The following SEPHS1 variants were observed in gnomAD, a reference collection of about 807,000 sequenced individuals.
SEPHS1 encodes zincore component SEPHS1.
Under a neutral mutation model 39.2 loss-of-function variants are expected in SEPHS1, and 7 were observed. The observed-to-expected ratio is 0.18, with a 90% CI of 0.10 to 0.34. The LOEUF (loss-of-function observed/expected upper bound fraction) is 0.34, where lower values mean the gene tolerates loss of function less well. SEPHS1 is among the 10% of genes least tolerant of loss of function. The pLI is 1.00. For missense variants in SEPHS1, 253 were observed against 514.5 expected (o/e 0.49, Z 4.92); for synonymous variants, 190 against 195.5 (o/e 0.97, Z 0.23).
intron 3 of SEPHS1, among the ~76,000 whole-genome samples, chr10:13,338,071 G>A (rs2130682829): frequency 6.6e-6 from 1 of 152,342 alleles, no homozygotes; most frequent in African/African-American, 2.4e-5. Flanking sequence ...GTGGCTGGCT[G>A]CAACTACGCA....
chr10:13,329,919 AC>A, intron 5 of SEPHS1, 131 bp from the exon 6 acceptor site: 1 of 740,984 alleles, frequency 1.3e-6, no homozygotes, highest in Non-Finnish European at 2.3e-6. Context: ...GAAGCCAACT[AC>A]CAGCATGTAT....
chr10:13,344,715 CTGAT>C, intron 2 of SEPHS1, 39 bp downstream of exon 2: 2 of 1,328,202 alleles, frequency 1.5e-6, no homozygotes, highest in East Asian at 5.4e-5. Context: ...TTTTGACTCA[CTGAT>C]TGGATCGCAG....
At chr10:13,338,482 C>T in intron 3 of SEPHS1, among the ~76,000 whole-genome samples, 1 of 152,196 alleles carries the variant, frequency 6.6e-6, no homozygotes, top group Non-Finnish European at 1.5e-5. Context: ...CAGCAGAGGG[C>T]CTTCCCTGCT....
At chr10:13,337,640 G>A (rs1349052804) in intron 3 of SEPHS1, among the ~76,000 whole-genome samples, 7 of 152,136 alleles carry the variant, frequency 4.6e-5, no homozygotes, top group African/African-American at 1.7e-4. Context: ...ACTCGCACAA[G>A]CCAATCGCTA....
At chr10:13,333,637 C>T (rs753165334) in intron 5 of SEPHS1, among the ~76,000 whole-genome samples, 180 bp downstream of exon 5, 9 of 152,078 alleles carry the variant, frequency 5.9e-5, no homozygotes, top group Non-Finnish European at 1.0e-4. Flanking sequence ...GACAGGGTTT[C>T]GCCACATTGG....
At chr10:13,333,395 A>T (rs1398740123) in intron 5 of SEPHS1, among the ~76,000 whole-genome samples, 2 of 150,658 alleles carry the variant, frequency 1.3e-5, no homozygotes, top group Non-Finnish European at 2.9e-5. Flanking sequence ...GGCCTCCAAA[A>T]GCGCTGGGAT....
intron 8 of SEPHS1, 115 bp downstream of exon 8, chr10:13,322,720 A>G: frequency 1.0e-6 from 1 of 954,862 alleles, no homozygotes; most frequent in South Asian, 1.5e-5. Context: ...GGCCGAGGTC[A>G]GCAGCATGGA....
intron 2 of SEPHS1, among the ~76,000 whole-genome samples, chr10:13,340,159 A>G (rs1833745247): frequency 6.6e-6 from 1 of 152,140 alleles, no homozygotes; most frequent in Non-Finnish European, 1.5e-5. Flanking sequence ...TGACAGCAGC[A>G]GACCTCACAG....
chr10:13,345,702 C>T (rs558970796), intron 1 of SEPHS1, among the ~76,000 whole-genome samples: 1 of 152,284 alleles, frequency 6.6e-6, no homozygotes, highest in South Asian at 2.1e-4. Context: ...CATGGCGAAA[C>T]CCCGTCTCTA....
At chr10:13,347,867 G>A (rs916171988) in intron 1 of SEPHS1, 133 bp downstream of exon 1, 1 of 145,568 alleles carries the variant, frequency 6.9e-6, no homozygotes, top group Non-Finnish European at 1.5e-5. Context: ...CAGGGCTGGC[G>A]GGGCCGGCGG....
intron 7 of SEPHS1, among the ~76,000 whole-genome samples, chr10:13,325,980 T>TAAA (rs1833275914): frequency 2.4e-5 from 3 of 122,916 alleles, no homozygotes; most frequent in African/African-American, 8.5e-5. Flanking sequence ...ATAATAATAA[T>TAAA]AAATGAATAA....
rs1181043191 is a variant in SEPHS1 at position 13,336,360 on chromosome 10, G to A, written c.298-10C>T. 1 of 1,601,820 alleles carries A rather than the reference G, an allele frequency of 6.2e-7. No individual in the cohort carries two copies. The highest frequency in any genetic ancestry group is 1.3e-5 in the African/African-American group (1 of 74,662). On this transcript the variant is annotated splice_polypyrimidine_tract_variant and intron_variant, in intron 3 of 8. Transcript: ENST00000327347. Reference sequence around the variant, plus strand: ...CACACGCTATCCTGCCCTGGGAAGAGAGGGAAACATGAGAAAGGACGACCG... The same window carrying A: ...CACACGCTATCCTGCCCTGGGAAGAAAGGGAAACATGAGAAAGGACGACCG...
intron 1 of SEPHS1, chr10:13,347,447 C>A (rs969162634): frequency 6.7e-6 from 1 of 149,464 alleles, no homozygotes; most frequent in South Asian, 2.1e-4. Flanking sequence ...GGCGGCGGGG[C>A]GGAGGCGGCA....
chr10:13,341,659 G>C (rs941593569), intron 2 of SEPHS1, among the ~76,000 whole-genome samples: 1 of 152,086 alleles, frequency 6.6e-6, no homozygotes, highest in African/African-American at 2.4e-5. Context: ...TTAGAAAAAA[G>C]TTAAAAACAT....
At chr10:13,323,123 G>T in intron 7 of SEPHS1, 76 bp from the exon 8 acceptor site, 1 of 1,150,760 alleles carries the variant, frequency 8.7e-7, no homozygotes, top group Non-Finnish European at 1.3e-6. Flanking sequence ...CAATTAATCT[G>T]CAACTTCCTT....
chr10:13,336,416 C>A, intron 3 of SEPHS1, 66 bp from the exon 4 acceptor site: 1 of 1,174,878 alleles, frequency 8.5e-7, no homozygotes, highest in Non-Finnish European at 1.3e-6. Flanking sequence ...ACTGAGTGAG[C>A]CATGGAGTGG....
intron 4 of SEPHS1, among the ~76,000 whole-genome samples, 187 bp downstream of exon 4, chr10:13,336,056 G>A (rs1214576932): frequency 2.6e-5 from 4 of 151,502 alleles, no homozygotes; most frequent in African/African-American, 9.7e-5. Flanking sequence ...GAAGTGCAGA[G>A]ATGACTAGGC....
intron 8 of SEPHS1, 43 bp downstream of exon 8, chr10:13,322,792 T>C: frequency 6.3e-7 from 1 of 1,576,376 alleles, no homozygotes; most frequent in Non-Finnish European, 8.7e-7. Flanking sequence ...AGCTTTCTGT[T>C]AGCCTCACTA....
rs201414633 is a variant in SEPHS1 at position 13,336,339 on chromosome 10, C to T, written c.309G>A (p.Ala103=). The change falls in exon 4 of 9, where the codon GCG becomes GCA. Residue 103 remains alanine, a synonymous_variant. Transcript: ENST00000327347. ...VDDPYMMGRI[A]CANVLSDLYA... is the part of the protein sequence containing the mutation. ...AGAGGTCACTGAGGACATTGGCACACGCTATCCTGCCCTGGGAAGAGAGGG... is the reference window on the plus strand; with the variant it reads ...AGAGGTCACTGAGGACATTGGCACATGCTATCCTGCCCTGGGAAGAGAGGG... 9.7e-5 allele frequency: 156 copies of T among 1,612,752 alleles called. No homozygotes were observed. Among genetic ancestry groups the T allele is most frequent in the Non-Finnish European group, 1.2e-4 (138 of 1,178,894 alleles).
Sources: allele counts gnomAD v4.1 joint callset (sites outside exome capture counted in the v4.1 genomes callset), GRCh38; gene constraint gnomAD v4.1.1; transcripts MANE v1.5; gene names NCBI Gene and HGNC (gene_info 2026-07-23, HGNC 2026-07-21).